The following RTEL1 variants were observed in gnomAD, a reference collection of about 807,000 sequenced individuals.
RTEL1 encodes the protein regulator of telomere length.
A neutral mutation model predicts 162.2 loss-of-function variants in RTEL1; 86 were observed. The ratio of observed to expected loss-of-function variants is 0.53; its 90% confidence interval spans 0.45 to 0.63. The LOEUF is 0.63. Among genes scored for constraint, RTEL1 ranks in the 30% least tolerant of loss-of-function variants. RTEL1 has a pLI of 0.00. For missense variants in RTEL1, 1,941 were observed against 1,750.2 expected, an observed-to-expected ratio of 1.11 and a Z score of -1.95; for synonymous variants, 958 against 717.9, an observed-to-expected ratio of 1.33 and a Z score of -5.35.
chr20:63,688,251 A>C lies in RTEL1; in HGVS notation c.1637-50A>C, dbSNP rs2777941. 1,226,525 of 1,608,624 alleles carry C rather than the reference A, an allele frequency of 0.76. 474,651 individuals carry two copies. Among genetic ancestry groups the C allele is most frequent in the African/African-American group, 0.94 (70,807 of 75,026 alleles). ...CCCTGCTCCCAAGAGCTGGTAGGGA[A>C]CCCTGCAGACATCCTGCCCCTGCCT... On this transcript the variant is annotated intron_variant, in intron 19 of 34. Coordinates refer to ENST00000360203, the MANE Select transcript of RTEL1 (RefSeq NM_001283009.2).
intron 14 of RTEL1, among the ~76,000 whole-genome samples, chr20:63,683,457 A>G (rs2090518918): frequency 6.6e-6 from 1 of 152,248 alleles, no homozygotes; most frequent in Admixed American, 6.5e-5. Context: ...GAACGGAAGG[A>G]AATTTCTCTC....
intron 6 of RTEL1, among the ~76,000 whole-genome samples, chr20:63,664,309 C>T (rs945924959): frequency 6.6e-6 from 1 of 152,248 alleles, no homozygotes; most frequent in Non-Finnish European, 1.5e-5. Flanking sequence ...TGTCCCCAGT[C>T]CCATGCAGCG....
chr20:63,673,461 C>G (rs1216974691), intron 9 of RTEL1, among the ~76,000 whole-genome samples: 2 of 152,120 alleles, frequency 1.3e-5, no homozygotes, highest in African/African-American at 2.4e-5. Context: ...TTTGTTGAGA[C>G]AGGGTCTCCT....
chr20:63,690,075 GC>G lies in RTEL1; in HGVS notation c.2142-10del. 6.2e-7 allele frequency: 1 copy of G among 1,609,100 alleles called. No homozygotes were observed. The highest frequency in any genetic ancestry group is 1.7e-5 in the Admixed American group (1 of 59,962). On this transcript the variant is annotated splice_polypyrimidine_tract_variant and intron_variant, in intron 24 of 34. Coordinates refer to ENST00000360203, the MANE Select transcript of RTEL1 (RefSeq NM_001283009.2). Reference sequence around the variant, plus strand: ...CTGTGGGCAGGGCAGCAGGGCTATGGCCACCCCCCAGGTTCGCCTTTGCCGA... The same window carrying G: ...CTGTGGGCAGGGCAGCAGGGCTATGGCACCCCCCAGGTTCGCCTTTGCCGA...
rs1451996315 is a variant in RTEL1 at position 63,694,698 on chromosome 20, C to T, written c.3110-43C>T. ...GGGCAGGGCGGTGGGACTCTCAGTC[C>T]TCCACCCCAGCGCCACTCTGAGCCA... On this transcript the variant is annotated intron_variant, in intron 31 of 34. Transcript: ENST00000360203. The T allele has an allele frequency of 3.3e-6, 5 of 1,503,794 alleles. No individual in the cohort carries two copies. The Admixed American group carries it at 7.8e-5, about 23-fold the overall frequency. The allele number at this position is 1,503,794 out of a possible 1,614,324, so 93.2% of individuals were successfully genotyped here.
In RTEL1 at chr20:63,690,267, G is replaced by A. The variant is rs781326189; in HGVS notation, c.2266-27G>A. 1.3e-5 allele frequency: 21 copies of A among 1,600,462 alleles called. No homozygotes were observed. The East Asian group carries it at 4.5e-4, about 34-fold the overall frequency. On this transcript the variant is annotated intron_variant, in intron 25 of 34. Transcript: ENST00000360203. ...GTTGTCCCCAGAGGAGCCAGAAATG[G>A]GTCCACCCACCCCCATGGTTCTGCA... is the stretch of plus-strand genomic sequence containing the variant.
In RTEL1 at chr20:63,661,465, C is replaced by A; in HGVS notation, c.270C>A (p.Gly90=). 1 of 1,612,858 alleles carries A rather than the reference C, an allele frequency of 6.2e-7. No individual in the cohort carries two copies. Residue 90 remains glycine, a synonymous_variant, in exon 3 of 35, where the codon GGC becomes GGA. Coordinates refer to ENST00000360203, the MANE Select transcript of RTEL1 (RefSeq NM_001283009.2). This position sits in a 1 kb window ranked among gnomAD's most constrained non-coding sequence, Gnocchi z 5.1. ...LFPDRALSSW[G]NAAAAAGDPI... ...CGGATCGGGCCTTGTCATCCTGGGGCAACGCTGCTGCTGCTGCTGGAGACC... is the reference window on the plus strand; with the variant it reads ...CGGATCGGGCCTTGTCATCCTGGGGAAACGCTGCTGCTGCTGCTGGAGACC...
intron 13 of RTEL1, among the ~76,000 whole-genome samples, chr20:63,680,343 G>A (rs1016040115): frequency 1.3e-5 from 2 of 152,196 alleles, no homozygotes; most frequent in African/African-American, 4.8e-5. Context: ...CGGGCCCAGC[G>A]GGGTCTCTCC....
chr20:63,694,584 T>C, intron 31 of RTEL1, 96 bp downstream of exon 31: 2 of 1,249,864 alleles, frequency 1.6e-6, no homozygotes, highest in African/African-American at 1.5e-5. Flanking sequence ...GCTGCCCCTG[T>C]GGGGAGCCAT....
chr20:63,669,456 C>T (rs1243739403), intron 8 of RTEL1, among the ~76,000 whole-genome samples: 1 of 152,196 alleles, frequency 6.6e-6, no homozygotes, highest in East Asian at 1.9e-4. Context: ...AGCTTCAACT[C>T]TGTGGAAGAG....
chr20:63,678,104 A>T (rs1251810961), intron 10 of RTEL1, 41 bp from the exon 11 acceptor site: 1 of 1,613,466 alleles, frequency 6.2e-7, no homozygotes, highest in South Asian at 1.1e-5. Flanking sequence ...TGTTGGCACG[A>T]GCGTGATGCA....
At position 63,695,140 on chromosome 20, in the gene RTEL1, T is replaced by C. The variant is rs2090942726; in HGVS notation, c.3418T>C (p.Tyr1140His). The C allele has an allele frequency of 6.2e-7, 1 of 1,612,040 alleles. No individual in the cohort carries two copies. ...GTGCACAGACCTGACCGGCCGGCCC[T>C]ACCCGGGCATGGAGCCACCGGGACC... ...QTCTDLTGRP[Y>H]PGMEPPGPQE... Residue 1140 changes from tyrosine to histidine, a missense_variant, in exon 33 of 35, where the codon TAC becomes CAC. By Grantham distance (83) the Tyr-to-His change is moderately conservative (BLOSUM62 2). Coordinates refer to ENST00000360203, the MANE Select transcript of RTEL1 (RefSeq NM_001283009.2).
chr20:63,670,782 A>G (rs2090223546), intron 8 of RTEL1, among the ~76,000 whole-genome samples: 1 of 151,442 alleles, frequency 6.6e-6, no homozygotes, highest in South Asian at 2.1e-4. Context: ...CAGGAGTTTG[A>G]GACCAGCCTA....
intron 4 of RTEL1, chr20:63,662,304 T>C (rs1382148047): frequency 1.4e-5 from 10 of 713,556 alleles, no homozygotes; most frequent in Non-Finnish European, 2.2e-5. Flanking sequence ...GTCTTGGTGT[T>C]CTGTCGGGTT....
chr20:63,695,503 C>T lies in RTEL1; in HGVS notation c.3675C>T (p.Ile1225=), dbSNP rs750010511. ...SEWGEPHGRD[I]AGQQATGAPG... The stretch of plus-strand genomic sequence containing the variant: ...GGGGTGAGCCTCATGGGAGAGACAT[C>T]GCTGGGCAGCAGGCCACGGGAGCTC... The change falls in exon 34 of 35, where the codon ATC becomes ATT. Residue 1225 remains isoleucine (I), a synonymous_variant. Transcript: ENST00000360203. 19 of 1,611,024 alleles carry T rather than the reference C, an allele frequency of 1.2e-5. No individual in the cohort carries two copies. The highest frequency in any genetic ancestry group is 2.2e-5 in the East Asian group (1 of 44,886).
chr20:63,695,573 G>A lies in RTEL1; in HGVS notation c.3745G>A (p.Ala1249Thr), dbSNP rs201237264. Reference sequence around the variant, plus strand: ...AGGCTGTGTGTGCCAGGGCTGTGGGGCAGAGGACGTGGTGCCCTTCCAGTG... The same window carrying A: ...AGGCTGTGTGTGCCAGGGCTGTGGGACAGAGGACGTGGTGCCCTTCCAGTG... ...SAGCVCQGCG[A>T]EDVVPFQCPA... The change falls in exon 34 of 35, where the codon GCA (alanine) becomes ACA (threonine). Residue 1249 changes from alanine (A) to threonine (T), a missense_variant. By Grantham distance (58) the Ala-to-Thr change is moderately conservative. Transcript: ENST00000360203. 2.5e-5 allele frequency: 40 copies of A among 1,612,238 alleles called. No homozygotes were observed. The highest frequency in any genetic ancestry group is 1.7e-4 in the African/African-American group (13 of 75,058).
chr20:63,689,002 A>G, intron 21 of RTEL1, 53 bp from the exon 22 acceptor site: 1 of 1,481,614 alleles, frequency 6.7e-7, no homozygotes, highest in Non-Finnish European at 9.4e-7. Context: ...CTCATGGGGG[A>G]GGAAGGGGCT....
rs754767050 is a variant in RTEL1, at chr20:63,694,526, G to C, written c.3109+38G>C. The stretch of plus-strand genomic sequence containing the variant: ...TGAACCGTGTGCAGCCTACGACTTG[G>C]TGGGTCCCTCAGTGGCTTCACGAGG... On this transcript the variant is annotated intron_variant, in intron 31 of 34. Transcript: ENST00000360203. The C allele has an allele frequency of 2.7e-6, 4 of 1,508,770 alleles. No homozygotes were observed. In the Middle Eastern group the frequency reaches 7.0e-4, roughly 265 times the overall value. The allele number at this position is 1,508,770 out of a possible 1,614,324, so 93.5% of individuals were successfully genotyped here. A position where few individuals can be genotyped will look rare whatever the true frequency, so the allele number is the denominator to read the frequency against.
At position 63,685,491 on chromosome 20, in the gene RTEL1, C is replaced by T. The variant is rs374429076; in HGVS notation, c.1192-32C>T. The T allele has an allele frequency of 1.4e-4, 226 of 1,607,032 alleles. 1 individual carries two copies. Among genetic ancestry groups the T allele is most frequent in the Non-Finnish European group, 1.7e-4 (201 of 1,177,672 alleles). On this transcript the variant is annotated intron_variant, in intron 14 of 34. Coordinates refer to ENST00000360203, the MANE Select transcript of RTEL1 (RefSeq NM_001283009.2). ...GCAGAAAGTCGGGTGGCCTCAGGCT[C>T]CTGACGGGGCTGCACTTCCTCTGCC...
Sources: allele counts gnomAD v4.1 joint callset (sites outside exome capture counted in the v4.1 genomes callset), GRCh38; gene constraint gnomAD v4.1.1; non-coding constraint Gnocchi (gnomAD v3.1); transcripts MANE v1.5; gene names NCBI Gene and HGNC (gene_info 2026-07-23, HGNC 2026-07-21).